The following CEP128 variants were observed in gnomAD, a reference collection of about 807,000 sequenced individuals.
The protein encoded by CEP128 is centrosomal protein 128.
A neutral mutation model predicts 156.7 loss-of-function variants in CEP128; 132 were observed. The observed-to-expected ratio is 0.84, with a 90% CI of 0.73 to 0.97. The LOEUF is 0.97. Among genes scored for constraint, CEP128 ranks in the 50% least tolerant of loss-of-function variants. CEP128 has a pLI of 0.00. For missense variants in CEP128, 1,252 were observed against 1,281.9 expected, an observed-to-expected ratio of 0.98 and a Z score of 0.36; for synonymous variants, 469 against 448.9, an observed-to-expected ratio of 1.04 and a Z score of -0.57.
chr14:80,934,924 T>C (rs1885696332), intron 2 of CEP128, among the ~76,000 whole-genome samples: 1 of 152,202 alleles, frequency 6.6e-6, no homozygotes, highest in Non-Finnish European at 1.5e-5. Flanking sequence ...GAAATAATAA[T>C]AGCTATTGAT....
chr14:80,508,108 G>A (rs190180735), intron 23 of CEP128, among the ~76,000 whole-genome samples: 36 of 152,212 alleles, frequency 2.4e-4, no homozygotes, highest in Admixed American at 1.7e-3. Flanking sequence ...TAGAGACAGG[G>A]TTTCGCCACG....
chr14:80,488,784 C>G (rs1887229580), downstream of CEP128, among the ~76,000 whole-genome samples: 1 of 145,870 alleles, frequency 6.9e-6, no homozygotes, highest in Admixed American at 7.0e-5. Flanking sequence ...CACATACACA[C>G]CATGGAATAC....
chr14:80,636,042 C>T (rs1179665820), intron 19 of CEP128, among the ~76,000 whole-genome samples: 1 of 152,196 alleles, frequency 6.6e-6, no homozygotes, highest in Non-Finnish European at 1.5e-5. Context: ...AATCCCAAAT[C>T]TGAAACGCTT....
At chr14:80,490,910 T>A (rs1253568548) in intron 6 of CEP128, among the ~76,000 whole-genome samples, 1 of 146,706 alleles carries the variant, frequency 6.8e-6, no homozygotes, top group Non-Finnish European at 1.5e-5. Context: ...GAGGACTTGT[T>A]GTAACACAGA....
intron 9 of CEP128, among the ~76,000 whole-genome samples, chr14:80,861,446 A>G (rs1425971540): frequency 1.3e-5 from 2 of 152,134 alleles, no homozygotes; most frequent in East Asian, 1.9e-4. Flanking sequence ...TAATGTAACA[A>G]ATCAACATTA....
At chr14:80,885,490 C>A (rs1352479630) in intron 8 of CEP128, among the ~76,000 whole-genome samples, 1 of 152,168 alleles carries the variant, frequency 6.6e-6, no homozygotes, top group East Asian at 1.9e-4. Context: ...CAAATAGGGT[C>A]TAGAGTGGAC....
chr14:80,685,056 C>G (rs1416768932), intron 19 of CEP128, among the ~76,000 whole-genome samples: 1 of 152,084 alleles, frequency 6.6e-6, no homozygotes, highest in Non-Finnish European at 1.5e-5. Context: ...GATGCCCACT[C>G]TCACCACTCC....
intron 19 of CEP128, among the ~76,000 whole-genome samples, chr14:80,678,465 C>T (rs1452307264): frequency 1.3e-5 from 2 of 151,954 alleles, no homozygotes; most frequent in Non-Finnish European, 2.9e-5. Context: ...TTTTAGCATG[C>T]CTTGGCCACT....
At chr14:80,941,022 G>A (rs1886122556) in intron 1 of CEP128, among the ~76,000 whole-genome samples, 1 of 152,158 alleles carries the variant, frequency 6.6e-6, no homozygotes, top group Non-Finnish European at 1.5e-5. Context: ...AATAAAAGAT[G>A]CAGCTGGGAT....
In CEP128 at chr14:80,595,866, G is replaced by A. The variant is rs1892292697; in HGVS notation, c.2807-15443C>T. Among the ~76,000 whole-genome samples, 5 of 152,128 alleles carry A rather than the reference G, an allele frequency of 3.3e-5. No individual in the cohort carries two copies. The South Asian group carries it at 1.0e-3, about 32-fold the overall frequency. ...CAGCAGGCAAGAGAGTTTGTGTAGG[G>A]GAACTCCCCTTATAAAACCATCGGA... On this transcript the variant is annotated intron_variant, in intron 19 of 24. Coordinates refer to ENST00000555265, the MANE Select transcript of CEP128 (RefSeq NM_152446.5).
chr14:80,507,297 A>G (rs1594925017), intron 23 of CEP128, among the ~76,000 whole-genome samples: 1 of 152,268 alleles, frequency 6.6e-6, no homozygotes, highest in East Asian at 1.9e-4. Flanking sequence ...TTCAATTTTC[A>G]CTAATTATGG....
intron 9 of CEP128, among the ~76,000 whole-genome samples, chr14:80,858,571 C>T (rs1566675408): frequency 7.4e-6 from 1 of 135,452 alleles, no homozygotes; most frequent in Non-Finnish European, 1.6e-5. Context: ...TAAAGAGCTT[C>T]TGCACAGCAA....
chr14:80,720,777 GA>G (rs1387336858), intron 19 of CEP128, among the ~76,000 whole-genome samples: 1 of 152,170 alleles, frequency 6.6e-6, no homozygotes, highest in Non-Finnish European at 1.5e-5. Flanking sequence ...AAGCAATGCA[GA>G]CAAACTAGTC....
intron 16 of CEP128, among the ~76,000 whole-genome samples, chr14:80,767,803 T>C (rs1900313483): frequency 6.6e-6 from 1 of 152,172 alleles, no homozygotes; most frequent in Non-Finnish European, 1.5e-5. Context: ...ATGGGAACAC[T>C]GGCCATATGA....
At chr14:80,711,894 C>T (rs140547642) in intron 19 of CEP128, among the ~76,000 whole-genome samples, 2 of 151,722 alleles carry the variant, frequency 1.3e-5, no homozygotes, top group Non-Finnish European at 2.9e-5. Context: ...ATAAAAAATT[C>T]GAGTGAAAAT....
chr14:80,739,438 C>T (rs1324515275), intron 19 of CEP128, among the ~76,000 whole-genome samples: 1 of 152,146 alleles, frequency 6.6e-6, no homozygotes, highest in Admixed American at 6.6e-5. Flanking sequence ...ACCTCATCCA[C>T]CCGTATCTTC....
intron 21 of CEP128, among the ~76,000 whole-genome samples, chr14:80,535,038 C>A (rs74064208): frequency 0.01 from 1,587 of 152,212 alleles, 34 homozygotes; most frequent in African/African-American, 0.036. Context: ...ATCTCAGAGG[C>A]TAGAAGAGCT....
intron 19 of CEP128, among the ~76,000 whole-genome samples, chr14:80,635,341 A>G (rs922627139): frequency 4.6e-5 from 7 of 152,182 alleles, no homozygotes; most frequent in Non-Finnish European, 7.3e-5. Context: ...TATAAGATGA[A>G]TTGACATCAT....
chr14:80,731,106 T>C (rs949780674), intron 19 of CEP128, among the ~76,000 whole-genome samples: 9 of 152,308 alleles, frequency 5.9e-5, no homozygotes, highest in African/African-American at 2.2e-4. Flanking sequence ...CAAACATTCT[T>C]AACAAAAAAA....
Sources: allele counts gnomAD v4.1 joint callset (sites outside exome capture counted in the v4.1 genomes callset), GRCh38; gene constraint gnomAD v4.1.1; transcripts MANE v1.5; gene names NCBI Gene and HGNC (gene_info 2026-07-23, HGNC 2026-07-21).